SLC25A6: variants seen among roughly 807,000 people sequenced by gnomAD.
SLC25A6 encodes the protein ADP/ATP translocase 3.
In SLC25A6, 9 loss-of-function variants were observed where a neutral mutation model predicts 25.7. The observed-to-expected ratio is 0.35, with a 90% confidence interval of 0.21 to 0.61. SLC25A6 has a LOEUF of 0.61. SLC25A6 is among the 20% of genes least tolerant of loss of function. The pLI is 0.76. For missense variants in SLC25A6, 404 were observed against 440.5 expected (o/e 0.92, Z 0.74); for synonymous variants, 223 against 197.0 (o/e 1.13, Z -1.11).
chrX:1,387,229 G>A lies in SLC25A6; in HGVS notation c.739+50C>T, dbSNP rs776308693. 1.8e-5 allele frequency: 29 copies of A among 1,601,000 alleles called. No homozygotes were observed. The South Asian group carries it at 2.9e-4, about 16-fold the overall frequency. ...TGACCTCCCACGGGCCTAGGGCAAG[G>A]AGCTTGGTTCCCCTTCCCGGCAGCA... On this transcript the variant is annotated intron_variant, in intron 3 of 3. Coordinates refer to ENST00000381401, the MANE Select transcript of SLC25A6 (RefSeq NM_001636.4).
intron 2 of SLC25A6, 35 bp downstream of exon 2, chrX:1,389,206 C>T (rs1290574838): frequency 1.0e-5 from 16 of 1,596,572 alleles, no homozygotes; most frequent in East Asian, 2.2e-5. Context: ...GTGTTGAGCC[C>T]GTCTCTGGGA....
chrX:1,388,833 G>C (rs1370628402), intron 2 of SLC25A6, among the ~76,000 whole-genome samples: 1 of 151,116 alleles, frequency 6.6e-6, no homozygotes, highest in Non-Finnish European at 1.5e-5. Context: ...ACACACAGAG[G>C]GACGACCCCG....
intron 3 of SLC25A6, 64 bp from the exon 4 acceptor site, chrX:1,386,823 G>T: frequency 6.5e-7 from 1 of 1,541,088 alleles, no homozygotes; most frequent in Non-Finnish European, 8.8e-7. Flanking sequence ...GACGCCACCT[G>T]CACCCACAAA....
rs111324409 is a variant in SLC25A6 at position 1,391,690 on chromosome X, G to A, written c.111+209C>T. Among the ~76,000 whole-genome samples, 1,490 of 152,296 alleles carry A rather than the reference G, an allele frequency of 9.8e-3. 32 individuals are homozygous for A. Among genetic ancestry groups the A allele is most frequent in the African/African-American group, 0.034 (1,403 of 41,570 alleles). Reference sequence around the variant, plus strand: ...CGTGCCGCATTTCCCCCCGCCCGCCGGGCCCAGTGCGCACGCGTGGACGTC... The same window carrying A: ...CGTGCCGCATTTCCCCCCGCCCGCCAGGCCCAGTGCGCACGCGTGGACGTC... On this transcript the variant is annotated intron_variant, in intron 1 of 3. Transcript: ENST00000381401.
chrX:1,386,560 G>A lies in SLC25A6; in HGVS notation c.*42C>T. 1.4e-6 allele frequency: 2 copies of A among 1,471,390 alleles called. No homozygotes were observed. The highest frequency in any genetic ancestry group is 1.8e-6 in the Non-Finnish European group (2 of 1,109,852). The allele number at this position is 1,471,390 out of a possible 1,614,324, so 91.1% of individuals were successfully genotyped here. ...TTGAGGATTCTACGTGGTTCTCTTG[G>A]TTCCCCTGGTGTGTGTGTGTGTGTG... On this transcript the variant is annotated 3_prime_UTR_variant, in exon 4 of 4. Coordinates refer to ENST00000381401, the MANE Select transcript of SLC25A6 (RefSeq NM_001636.4).
In SLC25A6 at chrX:1,386,877, C is replaced by T; in HGVS notation, c.740-118G>A. Reference sequence around the variant, plus strand: ...CACCCCAGACGCCTGAGCCACAGTTCTGATTACAGGAGGGATACCTGAGGC... The same window carrying T: ...CACCCCAGACGCCTGAGCCACAGTTTTGATTACAGGAGGGATACCTGAGGC... On this transcript the variant is annotated intron_variant, in intron 3 of 3. Coordinates refer to ENST00000381401, the MANE Select transcript of SLC25A6 (RefSeq NM_001636.4). The T allele has an allele frequency of 4.0e-6, 5 of 1,250,488 alleles. No homozygotes were observed. In the South Asian group the frequency reaches 4.3e-5, roughly 11 times the overall value. The allele number at this position is 1,250,488 out of a possible 1,614,324, so 77.5% of individuals were successfully genotyped here.
chrX:1,386,720 T>C lies in SLC25A6; in HGVS notation c.779A>G (p.Lys260Arg), dbSNP rs1251319309. Residue 260 changes from lysine to arginine, a missense_variant, in exon 4 of 4, where the codon AAG (lysine) becomes AGG (arginine). Transcript: ENST00000381401. ...CTTGCCCCCCTCATCTCTGAAGATCTTCCTCCAACAGTCGACGGTGCCCGT... is the reference window on the plus strand; with the variant it reads ...CTTGCCCCCCTCATCTCTGAAGATCCTCCTCCAACAGTCGACGGTGCCCGT... ...MYTGTVDCWR[K>R]IFRDEGGKAF... 1 of 1,612,454 alleles carries C rather than the reference T, an allele frequency of 6.2e-7. No individual in the cohort carries two copies. The highest frequency in any genetic ancestry group is 1.7e-5 in the Admixed American group (1 of 59,926).
At position 1,391,998 on chromosome X, in the gene SLC25A6, C is replaced by T. The variant is rs1195956145; in HGVS notation, c.12G>A (p.Gln4=). MTE[Q]AISFAKDFLA... is the part of the protein sequence containing the mutation. Reference sequence around the variant, plus strand: ...AGAAGTCTTTGGCGAAGGAGATGGCCTGTTCCGTCATGGTGGCAGGGCGGG... The same window carrying T: ...AGAAGTCTTTGGCGAAGGAGATGGCTTGTTCCGTCATGGTGGCAGGGCGGG... The change falls in exon 1 of 4, where the codon CAG becomes CAA. Residue 4 remains glutamine (Q), a synonymous_variant. Transcript: ENST00000381401. The T allele has an allele frequency of 3.1e-6, 5 of 1,607,560 alleles. No homozygotes were observed. The highest frequency in any genetic ancestry group is 4.2e-6 in the Non-Finnish European group (5 of 1,178,278).
intron 2 of SLC25A6, among the ~76,000 whole-genome samples, chrX:1,388,820 G>A (rs1320862153): frequency 6.6e-6 from 1 of 150,982 alleles, no homozygotes; most frequent in African/African-American, 2.4e-5. Flanking sequence ...TGAGGACACA[G>A]ACACACACAG....
rs1256159464 is a variant in SLC25A6, at chrX:1,386,332, T to G, written c.*270A>C. 1 of 406,374 alleles carries G rather than the reference T, an allele frequency of 2.5e-6. No individual in the cohort carries two copies. The highest frequency in any genetic ancestry group is 4.3e-6 in the Non-Finnish European group (1 of 231,626). 25.2% of individuals were successfully genotyped at this position (406,374 alleles called of 1,614,324 possible). A position where few individuals can be genotyped will look rare whatever the true frequency, so the allele number is the denominator to read the frequency against. Reference sequence around the variant, plus strand: ...CTCCTACAAGCATCTGGACTCTAGGTCTCAGTACTGGAGTGTCTCACCCAT... The same window carrying G: ...CTCCTACAAGCATCTGGACTCTAGGGCTCAGTACTGGAGTGTCTCACCCAT... On this transcript the variant is annotated 3_prime_UTR_variant, in exon 4 of 4. Coordinates refer to ENST00000381401, the MANE Select transcript of SLC25A6 (RefSeq NM_001636.4).
intron 2 of SLC25A6, among the ~76,000 whole-genome samples, 171 bp from the exon 3 acceptor site, chrX:1,387,590 G>A (rs1417358197): frequency 6.6e-6 from 1 of 151,908 alleles, no homozygotes; most frequent in Non-Finnish European, 1.5e-5. Flanking sequence ...CAACACGAGA[G>A]GTCGGGGCAG....
At position 1,388,469 on chromosome X, in the gene SLC25A6, C is replaced by T. The variant is rs1436773045; in HGVS notation, c.598+772G>A. Among the ~76,000 whole-genome samples the T allele has an allele frequency of 2.0e-5, 3 of 151,024 alleles. No individual in the cohort carries two copies. In the South Asian group the frequency reaches 6.3e-4, roughly 32 times the overall value. ...GAACCAGCCCTGCCCACACCTGGATCTCAGACTTCCAGCCTCCAGGACTGT... is the reference window on the plus strand; with the variant it reads ...GAACCAGCCCTGCCCACACCTGGATTTCAGACTTCCAGCCTCCAGGACTGT... On this transcript the variant is annotated intron_variant, in intron 2 of 3. Transcript: ENST00000381401.
intron 1 of SLC25A6, among the ~76,000 whole-genome samples, chrX:1,391,233 G>C (rs1363921518): frequency 3.3e-5 from 5 of 152,162 alleles, no homozygotes; most frequent in Admixed American, 6.6e-5. Context: ...AAAGCGCTGG[G>C]ATCGCGGGCG....
At chrX:1,390,908 G>A (rs112264344) in intron 1 of SLC25A6, among the ~76,000 whole-genome samples, 3 of 134,198 alleles carry the variant, frequency 2.2e-5, no homozygotes, top group Non-Finnish European at 4.8e-5. Flanking sequence ...CTCAAAGTGC[G>A]GGGACACCCC....
chrX:1,390,888 C>T (rs1403891140), intron 1 of SLC25A6, among the ~76,000 whole-genome samples: 1 of 152,100 alleles, frequency 6.6e-6, no homozygotes, highest in Non-Finnish European at 1.5e-5. Flanking sequence ...AGGCGATCCT[C>T]CCTGGGCCTC....
At chrX:1,388,864 G>A (rs745470805) in intron 2 of SLC25A6, among the ~76,000 whole-genome samples, 5 of 140,240 alleles carry the variant, frequency 3.6e-5, no homozygotes, top group South Asian at 4.6e-4. Context: ...GGGAGAAGAC[G>A]GCATCTACAA....
intron 3 of SLC25A6, among the ~76,000 whole-genome samples, chrX:1,386,998 G>A (rs1191430711): frequency 1.3e-5 from 2 of 152,174 alleles, no homozygotes; most frequent in Admixed American, 6.5e-5. Context: ...TCTCCACCCC[G>A]GGGTCCATGC....
chrX:1,387,661 C>CG (rs1208054197), intron 2 of SLC25A6, among the ~76,000 whole-genome samples: 1 of 152,174 alleles, frequency 6.6e-6, no homozygotes, highest in Non-Finnish European at 1.5e-5. Context: ...TCCCAGAGGC[C>CG]GGGGTTAGGC....
chrX:1,391,782 T>C, intron 1 of SLC25A6, 117 bp downstream of exon 1: 1 of 721,090 alleles, frequency 1.4e-6, no homozygotes. Flanking sequence ...GACAAAGCGA[T>C]CGCGGCCTTC....
Sources: allele counts gnomAD v4.1 joint callset (sites outside exome capture counted in the v4.1 genomes callset), GRCh38; gene constraint gnomAD v4.1.1; transcripts MANE v1.5; gene names NCBI Gene and HGNC (gene_info 2026-07-23, HGNC 2026-07-21).